The following DDR2 variants were observed in gnomAD, a reference collection of about 807,000 sequenced individuals.
DDR2 encodes discoidin domain receptor tyrosine kinase 2, also known as discoidin domain-containing receptor 2.
DDR2 carries 27 observed loss-of-function variants against 94.9 expected under a neutral mutation model. The ratio of observed to expected loss-of-function variants is 0.28; its 90% CI spans 0.21 to 0.39. DDR2 has a LOEUF of 0.39. Ranked by LOEUF, DDR2 falls within the 10% of genes least tolerant of loss-of-function variation. The probability of loss-of-function intolerance (pLI) is 1.00; values close to 1 mark genes in which losing one functional copy is unlikely to be tolerated. For synonymous variants in DDR2, 382 were observed against 377.2 expected, an observed-to-expected ratio of 1.01 and a Z score of -0.15; for missense variants, 783 against 1,076.0, an observed-to-expected ratio of 0.73 and a Z score of 3.81.
At chr1:162,710,602 T>A (rs1336147852) in intron 2 of DDR2, among the ~76,000 whole-genome samples, 1 of 152,156 alleles carries the variant, frequency 6.6e-6, no homozygotes, top group African/African-American at 2.4e-5. Flanking sequence ...TCATATTTGT[T>A]TAATCTGAAA....
intron 1 of DDR2, among the ~76,000 whole-genome samples, chr1:162,640,789 A>C (rs953158970): frequency 1.8e-4 from 27 of 152,196 alleles, no homozygotes; most frequent in African/African-American, 6.3e-4. Context: ...GCAGATAAGT[A>C]GGTATTTTTG....
chr1:162,670,909 G>A (rs77304381), intron 2 of DDR2, among the ~76,000 whole-genome samples: 15,817 of 152,200 alleles, frequency 0.1, 1,180 homozygotes, highest in Middle Eastern at 0.16. Context: ...GAGGCCCGAG[G>A]GTGGGATGCT....
intron 2 of DDR2, among the ~76,000 whole-genome samples, chr1:162,687,296 G>A (rs1215593667): frequency 6.6e-6 from 1 of 152,192 alleles, no homozygotes; most frequent in Non-Finnish European, 1.5e-5. Flanking sequence ...CCAGTGGCCT[G>A]GTCTTAAGCC....
rs114609917 is a variant in DDR2 at position 162,743,528 on chromosome 1, G to A, written c.83-9567G>A. 5.2e-3 allele frequency among the ~76,000 whole-genome samples: 790 copies of A among 152,150 alleles called. 10 individuals are homozygous for A. The highest frequency in any genetic ancestry group is 0.018 in the African/African-American group (739 of 41,508). ...TCCACCCTGCAGTCCCTTTCTGAGG[G>A]CAGGCTTTCTAGGAAGTTCTTTGTC... On this transcript the variant is annotated intron_variant, in intron 3 of 17. Transcript: ENST00000367921.
chr1:162,770,886 G>A, intron 12 of DDR2: 2 of 300,786 alleles, frequency 6.6e-6, no homozygotes, highest in South Asian at 3.4e-5. Flanking sequence ...TTCATGAGTG[G>A]GTAAAGGCAG....
chr1:162,719,089 T>C lies in DDR2; in HGVS notation c.26T>C (p.Leu9Ser). 6.2e-7 allele frequency: 1 copy of C among 1,613,942 alleles called. No individual in the cohort carries two copies. The highest frequency in any genetic ancestry group is 1.1e-5 in the South Asian group (1 of 91,084). The change falls in exon 3 of 18, where the codon TTG (leucine) becomes TCG (serine). Residue 9 changes from leucine to serine, a missense_variant. Coordinates refer to ENST00000367921, the MANE Select transcript of DDR2 (RefSeq NM_006182.4). ...ATGATCCTGATTCCCAGAATGCTCT[T>C]GGTGCTGTTCCTGCTGCTGCCTATC... MILIPRML[L>S]VLFLLLPILS...
Position 162,770,434 on chromosome 1 carries a change from C to T in DDR2, c.1426C>T (p.Pro476Ser), listed in dbSNP as rs1457802128. Reference protein sequence around the residue: ...GSNSTYDRIFPLRPDYQEPSR... With the variant: ...GSNSTYDRIFSLRPDYQEPSR... Reference sequence around the variant, plus strand: ...CAACTCGACTTACGATCGCATCTTTCCCCTTCGCCCTGACTACCAGGAGCC... The same window carrying T: ...CAACTCGACTTACGATCGCATCTTTTCCCTTCGCCCTGACTACCAGGAGCC... Residue 476 changes from proline (P) to serine (S), a missense_variant, in exon 12 of 18, where the codon CCC (proline) becomes TCC (serine). Transcript: ENST00000367921. 6.2e-7 allele frequency: 1 copy of T among 1,614,134 alleles called. No individual in the cohort carries two copies. The highest frequency in any genetic ancestry group is 8.5e-7 in the Non-Finnish European group (1 of 1,180,032).
intron 14 of DDR2, among the ~76,000 whole-genome samples, chr1:162,774,152 C>T (rs1647393913): frequency 6.6e-6 from 1 of 152,196 alleles, no homozygotes; most frequent in Non-Finnish European, 1.5e-5. Flanking sequence ...TAGCAGTTTT[C>T]CAAACTGGCT....
intron 3 of DDR2, among the ~76,000 whole-genome samples, chr1:162,733,283 A>G (rs1463404756): frequency 6.6e-6 from 1 of 152,204 alleles, no homozygotes; most frequent in African/African-American, 2.4e-5. Flanking sequence ...GGCAGTTCTG[A>G]GTCTTGACTA....
At chr1:162,728,204 A>C (rs185785753) in intron 3 of DDR2, among the ~76,000 whole-genome samples, 19 of 144,744 alleles carry the variant, frequency 1.3e-4, no homozygotes, top group Admixed American at 4.2e-4. Context: ...AGATAGATAT[A>C]TCTTTATATA....
At chr1:162,684,657 C>T (rs1659580329) in intron 2 of DDR2, among the ~76,000 whole-genome samples, 1 of 152,020 alleles carries the variant, frequency 6.6e-6, no homozygotes, top group South Asian at 2.1e-4. Context: ...TGCTCTGTCT[C>T]CCAGTAGAAT....
At chr1:162,641,100 A>C (rs960136601) in intron 1 of DDR2, among the ~76,000 whole-genome samples, 3 of 152,304 alleles carry the variant, frequency 2.0e-5, no homozygotes, top group Middle Eastern at 6.8e-3. Flanking sequence ...AGAAAGAGTG[A>C]TGGGCCAAGG....
chr1:162,690,686 T>C (rs1680522259), intron 2 of DDR2, among the ~76,000 whole-genome samples: 1 of 152,190 alleles, frequency 6.6e-6, no homozygotes, highest in African/African-American at 2.4e-5. Context: ...TCCCTAATGT[T>C]ATTTGAAATT....
intron 2 of DDR2, among the ~76,000 whole-genome samples, chr1:162,691,742 T>C (rs1228026104): frequency 1.3e-5 from 2 of 152,186 alleles, no homozygotes; most frequent in African/African-American, 2.4e-5. Flanking sequence ...CCCTGAAAAT[T>C]TAATAATCAG....
At chr1:162,774,028 C>T (rs1364798019) in intron 14 of DDR2, among the ~76,000 whole-genome samples, 3 of 143,234 alleles carry the variant, frequency 2.1e-5, no homozygotes, top group Non-Finnish European at 4.5e-5. Flanking sequence ...TTTTCTCATC[C>T]CTTTTTTCTC....
At chr1:162,745,744 G>GT (rs1453626148) in intron 3 of DDR2, among the ~76,000 whole-genome samples, 23 of 152,226 alleles carry the variant, frequency 1.5e-4, no homozygotes, top group African/African-American at 5.3e-4. Context: ...AAATTAGGAC[G>GT]TGTGATACTT....
At chr1:162,735,248 C>A (rs1662238104) in intron 3 of DDR2, among the ~76,000 whole-genome samples, 1 of 152,148 alleles carries the variant, frequency 6.6e-6, no homozygotes, top group African/African-American at 2.4e-5. Flanking sequence ...ACTCTGCTGT[C>A]CACCACACAG....
intron 1 of DDR2, among the ~76,000 whole-genome samples, chr1:162,645,304 G>T (rs1254687133): frequency 6.6e-6 from 1 of 152,038 alleles, no homozygotes; most frequent in Non-Finnish European, 1.5e-5. Context: ...AGCTTTTTGG[G>T]TGATCTATTA....
chr1:162,695,520 C>T (rs987214804), intron 2 of DDR2, among the ~76,000 whole-genome samples: 17 of 152,122 alleles, frequency 1.1e-4, no homozygotes, highest in African/African-American at 3.9e-4. Context: ...CATGAGCCAC[C>T]GTCCCCAGCC....
Sources: allele counts gnomAD v4.1 joint callset (sites outside exome capture counted in the v4.1 genomes callset), GRCh38; gene constraint gnomAD v4.1.1; transcripts MANE v1.5; gene names NCBI Gene and HGNC (gene_info 2026-07-23, HGNC 2026-07-21).